PHF5A: variants seen among roughly 807,000 people sequenced by gnomAD.
PHF5A encodes the protein PHD finger-like domain-containing protein 5A.
For synonymous variants in PHF5A, 52 were observed against 46.0 expected (o/e 1.13, Z -0.52); for missense variants, 24 against 140.6 (o/e 0.17, Z 4.19).
rs1431490890 is a variant in PHF5A at position 41,461,814 on chromosome 22, G to A, written c.244-1327C>T. Among the ~76,000 whole-genome samples the A allele has an allele frequency of 2.0e-5, 3 of 151,802 alleles. 1 individual carries two copies. The highest frequency in any genetic ancestry group is 3.9e-4 in the East Asian group (2 of 5,178). On this transcript the variant is annotated intron_variant, in intron 3 of 3. Coordinates refer to ENST00000216252, the MANE Select transcript of PHF5A (RefSeq NM_032758.4). ...AGTAGTGGGGAGTACATGCACCCGCGACCATGCCCAGCTAATTTTTGTATT... is the reference window on the plus strand; with the variant it reads ...AGTAGTGGGGAGTACATGCACCCGCAACCATGCCCAGCTAATTTTTGTATT...
intron 3 of PHF5A, among the ~76,000 whole-genome samples, chr22:41,466,436 GT>G (rs1317510052): frequency 6.6e-6 from 1 of 152,192 alleles, no homozygotes; most frequent in Non-Finnish European, 1.5e-5. Flanking sequence ...TAAAGCTGAA[GT>G]CAACTTGAAT....
chr22:41,463,463 A>G (rs2146060893), intron 3 of PHF5A, among the ~76,000 whole-genome samples: 1 of 151,994 alleles, frequency 6.6e-6, no homozygotes, highest in South Asian at 2.1e-4. Context: ...ACGGTGGTCC[A>G]TGACTGTAAT....
rs1004588232 is a variant in PHF5A at position 41,460,331 on chromosome 22, G to C, written c.*67C>G. 7.6e-7 allele frequency: 1 copy of C among 1,318,026 alleles called. No homozygotes were observed. The highest frequency in any genetic ancestry group is 1.4e-5 in the African/African-American group (1 of 68,990). The allele number at this position is 1,318,026 out of a possible 1,614,324, so 81.6% of individuals were successfully genotyped here. On this transcript the variant is annotated 3_prime_UTR_variant, in exon 4 of 4. Coordinates refer to ENST00000216252, the MANE Select transcript of PHF5A (RefSeq NM_032758.4). ...GGGCTCTGCTCCCTTTCTGCTGGTA[G>C]TAGTAGGCATGTTTTCTGGCAGCTG...
At chr22:41,468,298 T>G in intron 1 of PHF5A, 151 bp from the exon 2 acceptor site, 1 of 757,392 alleles carries the variant, frequency 1.3e-6, no homozygotes, top group Non-Finnish European at 2.2e-6. Context: ...AATTTCCATA[T>G]GAACCAAACC....
rs117960415 is a variant in PHF5A, at chr22:41,465,506, G to T, written c.243+1942C>A. ...TGGCCCAATCTCTCCCACTTACTGG[G>T]GGTAGGCAGGATCCAAGTGCGTGAA... On this transcript the variant is annotated intron_variant, in intron 3 of 3. Transcript: ENST00000216252. 2.5e-4 allele frequency among the ~76,000 whole-genome samples: 38 copies of T among 152,250 alleles called. No individual in the cohort carries two copies. The East Asian group carries it at 6.8e-3, about 27-fold the overall frequency.
intron 3 of PHF5A, among the ~76,000 whole-genome samples, chr22:41,461,837 A>AT (rs534945884): frequency 2.3e-4 from 35 of 151,610 alleles, no homozygotes; most frequent in Non-Finnish European, 4.3e-4. Flanking sequence ...TAATTTTTGT[A>AT]TTTTTAGTAA....
chr22:41,460,119 T>C lies in PHF5A; in HGVS notation c.*279A>G, dbSNP rs966260902. The C allele has an allele frequency of 2.8e-5, 7 of 247,926 alleles. No homozygotes were observed. Among genetic ancestry groups the C allele is most frequent in the African/African-American group, 1.3e-4 (6 of 44,806 alleles). 15.4% of individuals were successfully genotyped at this position (247,926 alleles called of 1,614,324 possible). A position where few individuals can be genotyped will look rare whatever the true frequency, so the allele number is the denominator to read the frequency against. On this transcript the variant is annotated 3_prime_UTR_variant, in exon 4 of 4. Coordinates refer to ENST00000216252, the MANE Select transcript of PHF5A (RefSeq NM_032758.4). ...TTGGTTGAGGGAGAACATACCAATA[T>C]GGAGAACAGATCTTTGCTTCTCGAA...
At chr22:41,460,794 G>T (rs967512022) in intron 3 of PHF5A, among the ~76,000 whole-genome samples, 1 of 151,944 alleles carries the variant, frequency 6.6e-6, no homozygotes, top group Non-Finnish European at 1.5e-5. Context: ...AAATGGGTTT[G>T]TAAATGTGTC....
chr22:41,468,173 T>C (rs1307636546), intron 1 of PHF5A, 26 bp from the exon 2 acceptor site: 3 of 1,613,238 alleles, frequency 1.9e-6, no homozygotes, highest in East Asian at 2.2e-5. Context: ...TGGTAAAAAG[T>C]ACAATTAGAA....
chr22:41,465,674 G>GT (rs1478205512), intron 3 of PHF5A, among the ~76,000 whole-genome samples: 1 of 152,034 alleles, frequency 6.6e-6, no homozygotes, highest in African/African-American at 2.4e-5. Context: ...AAGGTCAGGA[G>GT]TTTGAGTCCA....
chr22:41,463,556 T>C (rs1395129916), intron 3 of PHF5A, among the ~76,000 whole-genome samples: 1 of 150,316 alleles, frequency 6.7e-6, no homozygotes, highest in East Asian at 2.0e-4. Context: ...TGAAACTCTG[T>C]CTCTACTAAA....
intron 3 of PHF5A, among the ~76,000 whole-genome samples, chr22:41,461,854 G>C (rs2146059676): frequency 6.6e-6 from 1 of 152,110 alleles, no homozygotes. Flanking sequence ...GTAAAGATGG[G>C]GTTTCACCAT....
intron 2 of PHF5A, 49 bp from the exon 3 acceptor site, chr22:41,467,663 C>T (rs887723166): frequency 1.9e-6 from 3 of 1,591,674 alleles, no homozygotes; most frequent in Non-Finnish European, 2.6e-6. Context: ...CAGTCCTCTG[C>T]TATCTCCTGC....
intron 3 of PHF5A, among the ~76,000 whole-genome samples, chr22:41,464,871 A>T (rs1255875787): frequency 6.6e-6 from 1 of 152,208 alleles, no homozygotes; most frequent in Non-Finnish European, 1.5e-5. Flanking sequence ...CCTACAGGGG[A>T]TACCTCTGGA....
At chr22:41,468,544 C>T in intron 1 of PHF5A, 58 bp downstream of exon 1, 3 of 1,567,718 alleles carry the variant, frequency 1.9e-6, no homozygotes, top group Non-Finnish European at 1.8e-6. Context: ...GAACCCCCGA[C>T]CCCCCAGCTC....
In PHF5A at chr22:41,468,691, C is replaced by T. The variant is rs749074517; in HGVS notation, c.-38G>A. On this transcript the variant is annotated 5_prime_UTR_variant, in exon 1 of 4. Coordinates refer to ENST00000216252, the MANE Select transcript of PHF5A (RefSeq NM_032758.4). ...AGCCGGCCACCGGAAGCTTCGGGAACTTCCGTCCGACCTTTAACCCCCATT... is the reference window on the plus strand; with the variant it reads ...AGCCGGCCACCGGAAGCTTCGGGAATTTCCGTCCGACCTTTAACCCCCATT... 3 of 1,603,020 alleles carry T rather than the reference C, an allele frequency of 1.9e-6. No homozygotes were observed. Among genetic ancestry groups the T allele is most frequent in the Admixed American group, 3.3e-5 (2 of 59,976 alleles).
chr22:41,461,048 C>T (rs2037823559), intron 3 of PHF5A, among the ~76,000 whole-genome samples: 1 of 152,100 alleles, frequency 6.6e-6, no homozygotes, highest in African/African-American at 2.4e-5. Flanking sequence ...TGGTGCGTGC[C>T]TGTAGTCCCA....
Position 41,459,876 on chromosome 22 carries a change from T to C in PHF5A, c.*522A>G, listed in dbSNP as rs2037812406. 7.0e-6 allele frequency: 1 copy of C among 143,768 alleles called. No individual in the cohort carries two copies. The highest frequency in any genetic ancestry group is 1.5e-5 in the Non-Finnish European group (1 of 66,500). 8.9% of individuals were successfully genotyped at this position (143,768 alleles called of 1,614,324 possible). On this transcript the variant is annotated 3_prime_UTR_variant, in exon 4 of 4. Transcript: ENST00000216252. ...GCTGGACAAGTGTTAAACAAGTAAA[T>C]GCCTTTCAAGAGGGCAGAGCCCTGC...
At chr22:41,463,152 G>A (rs1250428641) in intron 3 of PHF5A, among the ~76,000 whole-genome samples, 3 of 151,926 alleles carry the variant, frequency 2.0e-5, no homozygotes, top group African/African-American at 7.3e-5. Context: ...GATTACAGGC[G>A]TGAGCCACTG....
Sources: gnomAD v4.1 joint callset for allele counts (sites outside exome capture counted in the v4.1 genomes callset) on GRCh38, gnomAD v4.1.1 for gene constraint, MANE v1.5 for transcripts, NCBI Gene and HGNC (gene_info 2026-07-23, HGNC 2026-07-21) for gene names.